OPRK1: variants seen among roughly 807,000 people sequenced by gnomAD.
The protein encoded by OPRK1 is kappa-type opioid receptor.
OPRK1 carries 15 observed loss-of-function variants against 24.5 expected under a neutral mutation model. The observed-to-expected ratio is 0.61, with a 90% CI of 0.41 to 0.94. The LOEUF is 0.94. Ranked by LOEUF, OPRK1 falls within the 40% of genes least tolerant of loss-of-function variation. The pLI is 0.00. For synonymous variants in OPRK1, 205 were observed against 198.0 expected, an observed-to-expected ratio of 1.04 and a Z score of -0.30; for missense variants, 479 against 507.3, an observed-to-expected ratio of 0.94 and a Z score of 0.54.
intron 2 of OPRK1, among the ~76,000 whole-genome samples, chr8:53,248,371 G>C (rs570156755): frequency 1.3e-5 from 2 of 152,250 alleles, no homozygotes; most frequent in South Asian, 4.1e-4. Flanking sequence ...TTTCTACAAT[G>C]ATTTTCTATA....
rs16918875 is a variant in OPRK1, at chr8:53,229,594, G to A, written c.846C>T (p.Val282=). Residue 282 remains valine (V), a synonymous_variant, in exon 4 of 4, where the codon GTC becomes GTT. Transcript: ENST00000265572. The part of the protein sequence containing the change: ...ITRLVLVVVA[V]FVVCWTPIHI... ...GAATGGGAGTCCAGCAGACGACGAAGACTGCCACCACCACCAGGACCAGTC... is the reference window on the plus strand; with the variant it reads ...GAATGGGAGTCCAGCAGACGACGAAAACTGCCACCACCACCAGGACCAGTC... 0.051 allele frequency: 82,215 copies of A among 1,614,034 alleles called. 2,711 individuals are homozygous for A. The highest frequency in any genetic ancestry group is 0.15 in the African/African-American group (11,325 of 74,962).
At chr8:53,238,658 G>A (rs562332387) in intron 2 of OPRK1, 24 of 985,322 alleles carry the variant, frequency 2.4e-5, no homozygotes, top group East Asian at 2.3e-4. Context: ...ACAGAGAAAC[G>A]AGGGTTGGCT....
At chr8:53,238,602 C>T in intron 2 of OPRK1, 1 of 985,428 alleles carries the variant, frequency 1.0e-6, no homozygotes, top group Non-Finnish European at 1.2e-6. Context: ...TAGAAATGCT[C>T]CCCAGTGACA....
At chr8:53,243,737 C>A (rs1807168349) in intron 2 of OPRK1, among the ~76,000 whole-genome samples, 1 of 152,176 alleles carries the variant, frequency 6.6e-6, no homozygotes, top group South Asian at 2.1e-4. Context: ...AAAATAATTT[C>A]TGAAGTTATT....
chr8:53,234,161 C>T (rs1806925756), intron 3 of OPRK1, among the ~76,000 whole-genome samples: 1 of 105,370 alleles, frequency 9.5e-6, no homozygotes, highest in South Asian at 3.3e-4. Context: ...TCTAGCCTGG[C>T]AACAGAGCAA....
chr8:53,230,225 T>C (rs1056971060), intron 3 of OPRK1, among the ~76,000 whole-genome samples: 1 of 152,052 alleles, frequency 6.6e-6, no homozygotes, highest in Non-Finnish European at 1.5e-5. Context: ...GCTCTGGCAA[T>C]AAAAAAGCTA....
Position 53,229,380 on chromosome 8 carries a change from G to A in OPRK1, c.1060C>T (p.Arg354Trp), listed in dbSNP as rs202165724. 28 of 1,614,144 alleles carry A rather than the reference G, an allele frequency of 1.7e-5. No individual in the cohort carries two copies. Among genetic ancestry groups the A allele is most frequent in the Admixed American group, 1.3e-4 (8 of 60,020 alleles). The change falls in exon 4 of 4, where the codon CGG becomes TGG. Residue 354 changes from arginine to tryptophan, a missense_variant. Physicochemically the swap from Arg to Trp is moderately radical, Grantham distance 101 (BLOSUM62 -3). Transcript: ENST00000265572. ...FCFPLKMRME[R>W]QSTSRVRNTV... Reference sequence around the variant, plus strand: ...TTTCGGACTCTGCTAGTGCTCTGCCGCTCCATCCTCATCTTCAGTGGAAAG... The same window carrying A: ...TTTCGGACTCTGCTAGTGCTCTGCCACTCCATCCTCATCTTCAGTGGAAAG...
intron 2 of OPRK1, among the ~76,000 whole-genome samples, chr8:53,250,373 T>C (rs914048782): frequency 6.6e-6 from 1 of 152,110 alleles, no homozygotes. Flanking sequence ...TCTTAAGAAA[T>C]ATTTGCAAAG....
At chr8:53,248,992 G>C (rs1807303240) in intron 2 of OPRK1, among the ~76,000 whole-genome samples, 1 of 152,116 alleles carries the variant, frequency 6.6e-6, no homozygotes. Flanking sequence ...AAAAATCCTA[G>C]CTAATCTACA....
In OPRK1 at chr8:53,229,214, A is replaced by G. The variant is rs915620529; in HGVS notation, c.*83T>C. The G allele has an allele frequency of 1.3e-5, 19 of 1,425,472 alleles. No homozygotes were observed. The South Asian group carries it at 2.1e-4, about 16-fold the overall frequency. 88.3% of individuals were successfully genotyped at this position (1,425,472 alleles called of 1,614,324 possible). A position where few individuals can be genotyped will look rare whatever the true frequency, so the allele number is the denominator to read the frequency against. On this transcript the variant is annotated 3_prime_UTR_variant, in exon 4 of 4. Transcript: ENST00000265572. ...TTTAAATTCTATCTTTTCATGTCAG[A>G]CTGCAGTAGTGATCTGAGTTAAACC... is the stretch of plus-strand genomic sequence containing the variant.
chr8:53,251,335 C>A, intron 1 of OPRK1, 113 bp downstream of exon 1: 1 of 460,252 alleles, frequency 2.2e-6, no homozygotes. Context: ...TTCTAGGCAC[C>A]GGCCCCTGGT....
Position 53,229,105 on chromosome 8 carries a change from G to T in OPRK1, c.*192C>A. The T allele has an allele frequency of 3.3e-6, 2 of 610,002 alleles. No individual in the cohort carries two copies. Among genetic ancestry groups the T allele is most frequent in the African/African-American group, 1.9e-5 (1 of 54,026 alleles). 37.8% of individuals were successfully genotyped at this position (610,002 alleles called of 1,614,324 possible). ...AGAGAAGAGGTGCATGTGTTGCGTG[G>T]ACCTTTTGTCCTTGATGTTTCCACT... On this transcript the variant is annotated 3_prime_UTR_variant, in exon 4 of 4. Coordinates refer to ENST00000265572, the MANE Select transcript of OPRK1 (RefSeq NM_000912.5).
intron 2 of OPRK1, among the ~76,000 whole-genome samples, chr8:53,249,969 GT>G (rs1807330136): frequency 6.6e-6 from 1 of 151,902 alleles, no homozygotes; most frequent in Admixed American, 6.6e-5. Flanking sequence ...TCCTTTTCTT[GT>G]TTTTCTTTCT....
intron 2 of OPRK1, chr8:53,238,543 G>A (rs1037052557): frequency 1.4e-5 from 14 of 985,312 alleles, no homozygotes; most frequent in Non-Finnish European, 1.7e-5. Flanking sequence ...TGTGAGCACC[G>A]GGAAGGCTAT....
Position 53,229,185 on chromosome 8 carries a change from T to G in OPRK1, c.*112A>C. 4 of 1,320,008 alleles carry G rather than the reference T, an allele frequency of 3.0e-6. No homozygotes were observed. The highest frequency in any genetic ancestry group is 2.7e-4 in the Middle Eastern group (1 of 3,650). 81.8% of individuals were successfully genotyped at this position (1,320,008 alleles called of 1,614,324 possible). ...TTCAGACCATGAGATCTCTAAAAGT[T>G]TATTTTAAATTCTATCTTTTCATGT... On this transcript the variant is annotated 3_prime_UTR_variant, in exon 4 of 4. Coordinates refer to ENST00000265572, the MANE Select transcript of OPRK1 (RefSeq NM_000912.5).
chr8:53,236,151 C>G (rs1023145505), intron 2 of OPRK1, among the ~76,000 whole-genome samples: 1 of 152,218 alleles, frequency 6.6e-6, no homozygotes, highest in Non-Finnish European at 1.5e-5. Flanking sequence ...AGAAACAACT[C>G]TGAACATTTC....
intron 3 of OPRK1, among the ~76,000 whole-genome samples, chr8:53,232,956 G>A (rs911210963): frequency 6.6e-6 from 1 of 152,176 alleles, no homozygotes; most frequent in Non-Finnish European, 1.5e-5. Context: ...TGAAAGCTTT[G>A]CCTCAGAAAA....
chr8:53,234,515 T>A (rs1806938525), intron 3 of OPRK1, among the ~76,000 whole-genome samples: 1 of 152,164 alleles, frequency 6.6e-6, no homozygotes, highest in South Asian at 2.1e-4. Flanking sequence ...CTACTAAACA[T>A]TGCCAGAATG....
intron 3 of OPRK1, among the ~76,000 whole-genome samples, chr8:53,231,003 A>G (rs909657337): frequency 1.3e-5 from 2 of 152,220 alleles, no homozygotes; most frequent in East Asian, 3.8e-4. Context: ...TAGAATTTTA[A>G]TTACATATAC....
Sources: allele counts gnomAD v4.1 joint callset (sites outside exome capture counted in the v4.1 genomes callset), GRCh38; gene constraint gnomAD v4.1.1; transcripts MANE v1.5; gene names NCBI Gene and HGNC (gene_info 2026-07-23, HGNC 2026-07-21).